SOX5: variants seen among roughly 807,000 people sequenced by gnomAD.
The protein encoded by SOX5 is transcription factor SOX-5.
In SOX5, 9 loss-of-function variants were observed where a neutral mutation model predicts 92.0. The observed-to-expected ratio is 0.10, with a 90% CI of 0.06 to 0.17. The LOEUF is 0.17. SOX5 is among the 10% of genes least tolerant of loss of function. The pLI, the probability that SOX5 is intolerant of heterozygous loss-of-function variation, is 1.00. For missense variants in SOX5, 642 were observed against 944.5 expected, an observed-to-expected ratio of 0.68 and a Z score of 4.20; for synonymous variants, 344 against 336.3, an observed-to-expected ratio of 1.02 and a Z score of -0.25.
At chr12:23,931,919 T>C (rs1941501844) in intron 1 of SOX5, among the ~76,000 whole-genome samples, 1 of 151,594 alleles carries the variant, frequency 6.6e-6, no homozygotes, top group Non-Finnish European at 1.5e-5. Context: ...GAGTAGACAT[T>C]ATGAATATGT....
rs140702757 is a variant in SOX5 at position 24,102,091 on chromosome 12, T to C, written c.-2+111252A>G. Among the ~76,000 whole-genome samples, 918 of 152,294 alleles carry C rather than the reference T, an allele frequency of 6.0e-3. 7 individuals carry two copies. Among genetic ancestry groups the C allele is most frequent in the South Asian group, 0.033 (158 of 4,828 alleles). ...TTAAATTATCTATTTTTCCCTTTAC[T>C]GAATACAGAATTGTTGTTTTGGCTA... On this transcript the variant is annotated intron_variant, in intron 4 of 4. Coordinates refer to the SOX5 transcript ENST00000446891.
chr12:23,600,915 CCT>C (rs2074408269), intron 9 of SOX5, among the ~76,000 whole-genome samples: 1 of 152,018 alleles, frequency 6.6e-6, no homozygotes, highest in Non-Finnish European at 1.5e-5. Context: ...CTCCAATTCT[CCT>C]CTCTCTGGTG....
intron 4 of SOX5, among the ~76,000 whole-genome samples, chr12:23,981,863 T>C (rs1238179731): frequency 6.6e-6 from 1 of 152,176 alleles, no homozygotes; most frequent in Non-Finnish European, 1.5e-5. Context: ...GTAGCCTCAA[T>C]GATCACCAGA....
At chr12:24,212,256 T>C (rs1230341776) in intron 4 of SOX5, among the ~76,000 whole-genome samples, 1 of 152,198 alleles carries the variant, frequency 6.6e-6, no homozygotes, top group African/African-American at 2.4e-5. Flanking sequence ...ATCCCTAATG[T>C]CCTAATGTTC....
At chr12:23,887,784 T>C (rs961920974) in intron 2 of SOX5, among the ~76,000 whole-genome samples, 3 of 152,176 alleles carry the variant, frequency 2.0e-5, no homozygotes, top group African/African-American at 4.8e-5. Flanking sequence ...TCAATTTTTT[T>C]CCCTTTTTTT....
chr12:23,813,473 G>T (rs959755391), intron 3 of SOX5, among the ~76,000 whole-genome samples: 1 of 152,176 alleles, frequency 6.6e-6, no homozygotes, highest in Admixed American at 6.6e-5. Flanking sequence ...CCAATCACAA[G>T]ATCTGATGAC....
intron 3 of SOX5, among the ~76,000 whole-genome samples, chr12:24,268,914 T>C (rs993117249): frequency 7.2e-5 from 11 of 152,174 alleles, no homozygotes; most frequent in African/African-American, 2.7e-4. Context: ...TGCATATTTT[T>C]TAGCTGCCAT....
intron 8 of SOX5, among the ~76,000 whole-genome samples, chr12:23,621,238 G>C (rs187934820): frequency 6.6e-6 from 1 of 152,146 alleles, no homozygotes; most frequent in African/African-American, 2.4e-5. Context: ...AGGTACTTAG[G>C]ATATGCAAAT....
At chr12:23,719,196 C>T (rs976378786) in intron 6 of SOX5, among the ~76,000 whole-genome samples, 15 of 152,108 alleles carry the variant, frequency 9.9e-5, no homozygotes, top group African/African-American at 3.6e-4. Flanking sequence ...ATAAAATTAT[C>T]GGATACCATG....
chr12:23,986,111 TATATA>T (rs1278840159), intron 4 of SOX5, among the ~76,000 whole-genome samples: 2 of 152,194 alleles, frequency 1.3e-5, no homozygotes, highest in African/African-American at 4.8e-5. Context: ...TCTCCCTTGT[TATATA>T]ATATAACACA....
At chr12:23,856,337 C>A (rs1277861209) in intron 2 of SOX5, among the ~76,000 whole-genome samples, 1 of 152,094 alleles carries the variant, frequency 6.6e-6, no homozygotes, top group African/African-American at 2.4e-5. Context: ...CATTATTAGG[C>A]ATTTTCTTGA....
At chr12:24,263,535 A>AAC (rs1232525936) in intron 3 of SOX5, among the ~76,000 whole-genome samples, 6 of 140,954 alleles carry the variant, frequency 4.3e-5, no homozygotes, top group Non-Finnish European at 6.0e-5. Flanking sequence ...CTCAAAAAAA[A>AAC]AAAAACAAAA....
intron 4 of SOX5, among the ~76,000 whole-genome samples, chr12:24,128,698 C>T (rs1014267062): frequency 6.6e-6 from 1 of 152,112 alleles, no homozygotes; most frequent in South Asian, 2.1e-4. Context: ...ACCCGCAGGG[C>T]CTTTTTGGTC....
rs1211306426 is a variant in SOX5, at chr12:23,806,067, A to C, written c.481+39916T>G. The stretch of plus-strand genomic sequence containing the variant: ...AGTAACTACATTTTTTTCTGACAAA[A>C]CAAACATTTTAAAAGTGGCAATTCC... On this transcript the variant is annotated intron_variant, in intron 3 of 14. Transcript: ENST00000451604. 4.6e-5 allele frequency among the ~76,000 whole-genome samples: 7 copies of C among 152,328 alleles called. No homozygotes were observed. The East Asian group carries it at 1.3e-3, about 29-fold the overall frequency.
At chr12:24,299,405 C>G (rs951370826) in intron 2 of SOX5, among the ~76,000 whole-genome samples, 1 of 151,928 alleles carries the variant, frequency 6.6e-6, no homozygotes, top group South Asian at 2.1e-4. Context: ...ATATCCAGCC[C>G]GGTGAGAATC....
chr12:23,964,848 GCCCA>G (rs1947354218), intron 4 of SOX5, among the ~76,000 whole-genome samples: 2 of 152,062 alleles, frequency 1.3e-5, no homozygotes, highest in Admixed American at 6.6e-5. Context: ...TTAATTTATG[GCCCA>G]CCTTGAGAAA....
chr12:24,191,392 T>G (rs1004730236), intron 4 of SOX5, among the ~76,000 whole-genome samples: 3 of 152,208 alleles, frequency 2.0e-5, no homozygotes, highest in African/African-American at 7.2e-5. Flanking sequence ...ATTTAGTGTG[T>G]TGGGAGAGTC....
At chr12:24,159,953 T>C (rs1021743039) in intron 4 of SOX5, among the ~76,000 whole-genome samples, 4 of 152,000 alleles carry the variant, frequency 2.6e-5, no homozygotes, top group African/African-American at 9.7e-5. Flanking sequence ...TAGGCAAAGC[T>C]TCTCATCTCT....
rs748142281 is a variant in SOX5, at chr12:23,665,478, G to A, written c.897C>T (p.Leu299=). 7 of 1,613,500 alleles carry A rather than the reference G, an allele frequency of 4.3e-6. No individual in the cohort carries two copies. The highest frequency in any genetic ancestry group is 1.7e-5 in the Admixed American group (1 of 59,980). ...TLAAAAQQGF[L]LPPGFSYKAG... ...CCTTATAGCTGAAGCCTGGAGGGAG[G>A]AGGAATCCTTGCTGGGCAGCTGCAG... is the stretch of plus-strand genomic sequence containing the variant. Residue 299 remains leucine, a synonymous_variant, in exon 7 of 15, where the codon CTC becomes CTT. Transcript: ENST00000451604.
Sources: gnomAD v4.1 joint callset for allele counts (sites outside exome capture counted in the v4.1 genomes callset) on GRCh38, gnomAD v4.1.1 for gene constraint, MANE v1.5 for transcripts, NCBI Gene and HGNC (gene_info 2026-07-23, HGNC 2026-07-21) for gene names.